Variants in NUFIP1 observed in about 807,000 individuals in gnomAD.
NUFIP1 encodes the protein FMR1-interacting protein NUFIP1.
NUFIP1 carries 38 observed loss-of-function variants against 56.2 expected under a neutral mutation model. The ratio of observed to expected loss-of-function variants is 0.68; its 90% CI spans 0.52 to 0.89. The LOEUF (loss-of-function observed/expected upper bound fraction) is 0.89, where lower values mean the gene tolerates loss of function less well. NUFIP1 is among the 40% of genes least tolerant of loss of function. The pLI is 0.00. For synonymous variants in NUFIP1, 215 were observed against 212.4 expected (o/e 1.01, Z -0.10); for missense variants, 567 against 605.8 (o/e 0.94, Z 0.67).
chr13:44,981,704 T>G (rs772397476), intron 2 of NUFIP1, among the ~76,000 whole-genome samples: 34 of 151,790 alleles, frequency 2.2e-4, no homozygotes, highest in Non-Finnish European at 2.5e-4. Flanking sequence ...CCAGCTACTC[T>G]GGGAGGCTGA....
chr13:44,941,041 G>A lies in NUFIP1; in HGVS notation c.*165C>T, dbSNP rs1870715227. On this transcript the variant is annotated 3_prime_UTR_variant, in exon 10 of 10. Coordinates refer to ENST00000379161, the MANE Select transcript of NUFIP1 (RefSeq NM_012345.3). ...TAAAAAATCAGTTATTTTTTTATTT[G>A]CATAGAACCAAAGGAAAGACTTAAA... is the stretch of plus-strand genomic sequence containing the variant. The A allele has an allele frequency of 8.2e-6, 4 of 487,434 alleles. No individual in the cohort carries two copies. Among genetic ancestry groups the A allele is most frequent in the Non-Finnish European group, 1.5e-5 (4 of 271,972 alleles). 30.2% of individuals were successfully genotyped at this position (487,434 alleles called of 1,614,324 possible). A position where few individuals can be genotyped will look rare whatever the true frequency, so the allele number is the denominator to read the frequency against.
At chr13:44,977,957 G>A (rs1235430782) in intron 5 of NUFIP1, among the ~76,000 whole-genome samples, 1 of 152,164 alleles carries the variant, frequency 6.6e-6, no homozygotes, top group Non-Finnish European at 1.5e-5. Flanking sequence ...ACTGAGGCAG[G>A]AGAATCACTT....
chr13:44,952,533 C>T (rs968978910), intron 7 of NUFIP1, among the ~76,000 whole-genome samples: 6 of 152,094 alleles, frequency 3.9e-5, no homozygotes, highest in African/African-American at 9.7e-5. Flanking sequence ...TTCATGAAGC[C>T]GAGGGCAAGG....
intron 7 of NUFIP1, among the ~76,000 whole-genome samples, chr13:44,951,275 G>A (rs189446822): frequency 2.6e-5 from 4 of 152,144 alleles, no homozygotes; most frequent in Non-Finnish European, 4.4e-5. Context: ...TTATTTCCAA[G>A]ACTCAAAGAG....
intron 8 of NUFIP1, among the ~76,000 whole-genome samples, chr13:44,948,408 T>C (rs200410388): frequency 8.5e-5 from 13 of 152,102 alleles, no homozygotes; most frequent in African/African-American, 1.9e-4. Context: ...TCCCAAAGTG[T>C]TGGGATTACA....
At chr13:44,971,672 T>C (rs1251180587) in intron 5 of NUFIP1, among the ~76,000 whole-genome samples, 3 of 152,180 alleles carry the variant, frequency 2.0e-5, no homozygotes, top group African/African-American at 4.8e-5. Context: ...ATGAGATCTA[T>C]ATAAATTATC....
At chr13:44,943,353 C>CAT in intron 9 of NUFIP1, 89 bp downstream of exon 9, 1 of 369,990 alleles carries the variant, frequency 2.7e-6, no homozygotes, top group East Asian at 1.1e-4. Context: ...TTAAAACAAA[C>CAT]ACACACACAC....
intron 5 of NUFIP1, among the ~76,000 whole-genome samples, chr13:44,975,187 C>T (rs1044855935): frequency 1.3e-5 from 2 of 152,048 alleles, no homozygotes; most frequent in Non-Finnish European, 2.9e-5. Flanking sequence ...CAATATTAGG[C>T]TACCTTCTCT....
chr13:44,968,212 A>T (rs189486442), intron 5 of NUFIP1, among the ~76,000 whole-genome samples: 6 of 152,346 alleles, frequency 3.9e-5, no homozygotes, highest in South Asian at 4.1e-4. Context: ...GATCAAGGTC[A>T]TAGGAGATAA....
In NUFIP1 at chr13:44,965,825, A is replaced by C; in HGVS notation, c.827+19T>G. 6.9e-7 allele frequency: 1 copy of C among 1,449,594 alleles called. No homozygotes were observed. Among genetic ancestry groups the C allele is most frequent in the Non-Finnish European group, 9.4e-7 (1 of 1,065,698 alleles). 89.8% of individuals were successfully genotyped at this position (1,449,594 alleles called of 1,614,324 possible). Reference sequence around the variant, plus strand: ...TGTTTTGTGCTCCTTTTCATTATTCATAAGCATAAGGAGCTTACCCATATT... The same window carrying C: ...TGTTTTGTGCTCCTTTTCATTATTCCTAAGCATAAGGAGCTTACCCATATT... On this transcript the variant is annotated intron_variant, in intron 6 of 9. Coordinates refer to ENST00000379161, the MANE Select transcript of NUFIP1 (RefSeq NM_012345.3).
chr13:44,952,555 T>C (rs2137897062), intron 7 of NUFIP1, among the ~76,000 whole-genome samples: 1 of 152,368 alleles, frequency 6.6e-6, no homozygotes, highest in African/African-American at 2.4e-5. Context: ...TTTAATGTCC[T>C]TTCCCTCCTC....
intron 1 of NUFIP1, among the ~76,000 whole-genome samples, chr13:44,988,454 CA>C (rs1444914140): frequency 1.3e-5 from 2 of 148,498 alleles, no homozygotes; most frequent in Admixed American, 6.7e-5. Flanking sequence ...ACTCTGTCTC[CA>C]AAAAAAAAGA....
intron 1 of NUFIP1, among the ~76,000 whole-genome samples, chr13:44,984,613 G>A (rs1872316182): frequency 6.6e-6 from 1 of 152,120 alleles, no homozygotes; most frequent in African/African-American, 2.4e-5. Flanking sequence ...CTGTACTCTA[G>A]CCTGGGTGAC....
At chr13:44,978,611 A>C (rs1416852822) in intron 5 of NUFIP1, among the ~76,000 whole-genome samples, 1 of 152,222 alleles carries the variant, frequency 6.6e-6, no homozygotes, top group Non-Finnish European at 1.5e-5. Context: ...GGTGATGCTC[A>C]AATTTCTTTA....
chr13:44,967,005 A>T (rs186321334), intron 5 of NUFIP1, among the ~76,000 whole-genome samples: 49 of 151,790 alleles, frequency 3.2e-4, no homozygotes, highest in Non-Finnish European at 1.5e-4. Flanking sequence ...TAAATAAAAT[A>T]AAATAAAAAA....
At chr13:44,959,255 A>G in intron 7 of NUFIP1, 126 bp downstream of exon 7, 2 of 891,248 alleles carry the variant, frequency 2.2e-6, no homozygotes, top group Non-Finnish European at 1.7e-6. Flanking sequence ...AAAAACAAAA[A>G]CAAAAGCATC....
chr13:44,955,540 G>T (rs995230553), intron 7 of NUFIP1, among the ~76,000 whole-genome samples: 1 of 152,214 alleles, frequency 6.6e-6, no homozygotes, highest in Non-Finnish European at 1.5e-5. Flanking sequence ...TATTATTAAA[G>T]TGAGCTTAGT....
intron 1 of NUFIP1, among the ~76,000 whole-genome samples, chr13:44,983,778 C>G (rs528886536): frequency 1.3e-5 from 2 of 152,154 alleles, no homozygotes; most frequent in African/African-American, 4.8e-5. Context: ...GCCTGGGCCA[C>G]AGAACAAGAC....
In NUFIP1 at chr13:44,943,675, C is replaced by G; in HGVS notation, c.1139-1G>C. On this transcript the variant is annotated splice_acceptor_variant, in intron 8 of 9. Coordinates refer to ENST00000379161, the MANE Select transcript of NUFIP1 (RefSeq NM_012345.3). LOFTEE classifies it high-confidence loss of function. ...TCTGCTTCAGTCTTGATGGGAGTTT[C>G]TAAGTGTGATGAAAAACAAACACAA... 1 of 1,596,954 alleles carries G rather than the reference C, an allele frequency of 6.3e-7. No individual in the cohort carries two copies. Among genetic ancestry groups the G allele is most frequent in the Non-Finnish European group, 8.5e-7 (1 of 1,173,306 alleles).
Sources: gnomAD v4.1 joint callset for allele counts (sites outside exome capture counted in the v4.1 genomes callset) on GRCh38, gnomAD v4.1.1 for gene constraint, MANE v1.5 for transcripts, NCBI Gene and HGNC (gene_info 2026-07-23, HGNC 2026-07-21) for gene names.